SLC38A10: variants seen among roughly 807,000 people sequenced by gnomAD.
SLC38A10 encodes the protein Sodium-coupled neutral amino acid transporter 10.
A neutral mutation model predicts 81.0 loss-of-function variants in SLC38A10; 53 were observed. The ratio of observed to expected loss-of-function variants is 0.65; its 90% CI spans 0.53 to 0.82. The LOEUF is 0.82. Among genes scored for constraint, SLC38A10 ranks in the 40% least tolerant of loss-of-function variants. The pLI, the probability that SLC38A10 is intolerant of heterozygous loss-of-function variation, is 0.00. For synonymous variants in SLC38A10, 665 were observed against 655.3 expected, an observed-to-expected ratio of 1.01 and a Z score of -0.23; for missense variants, 1,471 against 1,545.0, an observed-to-expected ratio of 0.95 and a Z score of 0.80.
chr17:81,271,691 T>C (rs1423346379), intron 9 of SLC38A10, among the ~76,000 whole-genome samples: 1 of 151,772 alleles, frequency 6.6e-6, no homozygotes, highest in African/African-American at 2.4e-5. Context: ...GTCCCGGCAC[T>C]GCAGTCTCTC....
chr17:81,279,409 AG>A (rs1370706129), intron 6 of SLC38A10, among the ~76,000 whole-genome samples: 1 of 152,132 alleles, frequency 6.6e-6, no homozygotes, highest in African/African-American at 2.4e-5. Context: ...ACGCTGTGGG[AG>A]GGAAGAGATG....
chr17:81,291,203 G>A (rs533846697), intron 1 of SLC38A10, among the ~76,000 whole-genome samples: 73 of 152,054 alleles, frequency 4.8e-4, no homozygotes, highest in Middle Eastern at 3.4e-3. Flanking sequence ...AAGTCCGGCT[G>A]GGCACACTGG....
chr17:81,294,560 C>G (rs570696080), intron 1 of SLC38A10, among the ~76,000 whole-genome samples: 1 of 152,356 alleles, frequency 6.6e-6, no homozygotes, highest in South Asian at 2.1e-4. Flanking sequence ...CTTTGTTACA[C>G]TTTGCTTCGG....
rs2063285943 is a variant in SLC38A10, at chr17:81,288,512, G to A, written c.217+1179C>T. On this transcript the variant is annotated intron_variant, in intron 2 of 15. Transcript: ENST00000374759. The surrounding 1 kb of genome is among the most constrained non-coding windows in gnomAD (Gnocchi z 5.4). ...AGAATGGAACGTGGAGCCGAGAGGT[G>A]CCGAGCCTGTGGCGGGCAGGGAGAC... is the stretch of plus-strand genomic sequence containing the variant. Among the ~76,000 whole-genome samples, 1 of 152,202 alleles carries A rather than the reference G, an allele frequency of 6.6e-6. No individual in the cohort carries two copies.
In SLC38A10 at chr17:81,295,141, G is replaced by T; in HGVS notation, c.-220C>A. On this transcript the variant is annotated 5_prime_UTR_variant, in exon 1 of 16. Transcript: ENST00000374759. ...CTCGAAGGCCGGCTGCGGGGGCGAG[G>T]TCAACCTCCGGACCCCGCCAAGCCC... The T allele has an allele frequency of 1.4e-6, 1 of 712,388 alleles. No individual in the cohort carries two copies. Among genetic ancestry groups the T allele is most frequent in the Non-Finnish European group, 1.9e-6 (1 of 531,572 alleles). The allele number at this position is 712,388 out of a possible 1,614,324, so 44.1% of individuals were successfully genotyped here.
At chr17:81,251,989 C>T (rs961870458) in intron 13 of SLC38A10, 6 of 748,388 alleles carry the variant, frequency 8.0e-6, no homozygotes, top group Non-Finnish European at 1.2e-5. Context: ...TGGCAAACAA[C>T]TGTGTGACAG....
intron 13 of SLC38A10, chr17:81,251,837 T>C: frequency 1.9e-6 from 1 of 535,374 alleles, no homozygotes; most frequent in Non-Finnish European, 3.1e-6. Flanking sequence ...GGTAACTGCC[T>C]TCGCAATTAA....
At position 81,272,627 on chromosome 17, in the gene SLC38A10, G is replaced by T. The variant is rs868582305; in HGVS notation, c.913C>A (p.Gln305Lys). ...ALSTLLCEQQQKDGTFAAGGY... is the reference protein window; with the variant it reads ...ALSTLLCEQQKKDGTFAAGGY... ...CCTGCTGCAAAGGTGCCATCTTTTT[G>T]CTGTACAAAAGAAAAACAAAAGGTT... is the stretch of plus-strand genomic sequence containing the variant. Residue 305 changes from glutamine (Q) to lysine (K), a missense_variant and splice_region_variant, in exon 9 of 16, where the codon CAA becomes AAA. Gln to Lys is a moderately conservative substitution (Grantham distance 53). Transcript: ENST00000374759. 7.1e-6 allele frequency: 11 copies of T among 1,541,008 alleles called. No individual in the cohort carries two copies. In the African/African-American group the frequency reaches 1.6e-4, roughly 22 times the overall value.
At position 81,294,973 on chromosome 17, in the gene SLC38A10, C is replaced by T. The variant is rs753935706; in HGVS notation, c.-52G>A. 7.9e-6 allele frequency: 12 copies of T among 1,520,006 alleles called. No individual in the cohort carries two copies. Among genetic ancestry groups the T allele is most frequent in the East Asian group, 2.6e-5 (1 of 37,918 alleles). 94.2% of individuals were successfully genotyped at this position (1,520,006 alleles called of 1,614,324 possible). A position where few individuals can be genotyped will look rare whatever the true frequency, so the allele number is the denominator to read the frequency against. On this transcript the variant is annotated 5_prime_UTR_variant, in exon 1 of 16. Transcript: ENST00000374759. ...AGAGGCCTCGGGGGTCGCCGGGCTG[C>T]GGCCGGCTTTGGAAGCCCAGCCCGA...
chr17:81,246,890 C>T lies in SLC38A10; in HGVS notation c.2237G>A (p.Arg746Lys). ...QRQEDEEDKP[R>K]QVEVHQEPGA... ...CATCCGCCAGCCCGGCCTACCCTGCCTGGGTTTATCCTCCTCGTCCTCCTG... is the reference window on the plus strand; with the variant it reads ...CATCCGCCAGCCCGGCCTACCCTGCTTGGGTTTATCCTCCTCGTCCTCCTG... The change falls in exon 15 of 16, where the codon AGG becomes AAG. Residue 746 changes from arginine (R) to lysine (K), a missense_variant. By Grantham distance (26) the Arg-to-Lys change is conservative (BLOSUM62 2). This residue lies in a region of SLC38A10 where 751 missense variants were observed against 717.4 expected (regional missense o/e 1.05). Coordinates refer to ENST00000374759, the MANE Select transcript of SLC38A10 (RefSeq NM_001037984.3). 1.9e-6 allele frequency: 3 copies of T among 1,592,582 alleles called. No individual in the cohort carries two copies. The highest frequency in any genetic ancestry group is 2.6e-6 in the Non-Finnish European group (3 of 1,167,486).
chr17:81,294,772 C>T (rs775166941), intron 1 of SLC38A10, 51 bp downstream of exon 1: 14 of 1,490,176 alleles, frequency 9.4e-6, no homozygotes, highest in South Asian at 1.2e-5. Context: ...AGCCAGACGC[C>T]CCCTCTGCGG....
chr17:81,273,485 A>G (rs1448153861), intron 8 of SLC38A10, among the ~76,000 whole-genome samples: 2 of 152,222 alleles, frequency 1.3e-5, no homozygotes, highest in African/African-American at 2.4e-5. Context: ...AAGTTAACAC[A>G]CAGGACGGAC....
chr17:81,273,719 T>C (rs1251455833), intron 8 of SLC38A10, among the ~76,000 whole-genome samples: 1 of 152,060 alleles, frequency 6.6e-6, no homozygotes, highest in Admixed American at 6.5e-5. Flanking sequence ...ACCTATGACA[T>C]AGACCCAGAG....
chr17:81,285,863 T>G (rs1219977166), intron 2 of SLC38A10: 1 of 152,304 alleles, frequency 6.6e-6, no homozygotes, highest in East Asian at 1.9e-4. Flanking sequence ...TCCTTATTAC[T>G]TTAAACTACT....
intron 1 of SLC38A10, among the ~76,000 whole-genome samples, chr17:81,291,724 C>T (rs1013722372): frequency 1.3e-5 from 2 of 152,178 alleles, no homozygotes; most frequent in Admixed American, 1.3e-4. Context: ...AACGCCTGTC[C>T]AACTCCTCAG....
At position 81,292,987 on chromosome 17, in the gene SLC38A10, C is replaced by CAAAT. The variant is rs377273514; in HGVS notation, c.99+1832_99+1835dup. On this transcript the variant is annotated intron_variant, in intron 1 of 15. Coordinates refer to ENST00000374759, the MANE Select transcript of SLC38A10 (RefSeq NM_001037984.3). The stretch of plus-strand genomic sequence containing the variant: ...GGGGAAACCCTGTCTCTACTAAATA[C>CAAAT]AAATAAATAAATAAATAAATAAATA... Among the ~76,000 whole-genome samples, 628 of 151,934 alleles carry CAAAT rather than the reference C, an allele frequency of 4.1e-3. 2 individuals are homozygous for CAAAT. Among genetic ancestry groups the CAAAT allele is most frequent in the Middle Eastern group, 0.041 (12 of 292 alleles).
chr17:81,282,260 G>A lies in SLC38A10; in HGVS notation c.430C>T (p.Arg144Trp), dbSNP rs750418123. ...LCIVLPLSLQ[R>W]NMMASIQSFS... ...GACTGGATGGAGGCCATCATGTTCC[G>A]CTGCAGGCTGAGCGGGAGCACGATG... Residue 144 changes from arginine to tryptophan, a missense_variant, in exon 5 of 16, where the codon CGG becomes TGG. Arg to Trp is a moderately radical substitution (Grantham distance 101). This residue lies in a region of SLC38A10 where 720 missense variants were observed against 827.7 expected (regional missense o/e 0.87). Coordinates refer to ENST00000374759, the MANE Select transcript of SLC38A10 (RefSeq NM_001037984.3). The A allele has an allele frequency of 5.0e-6, 8 of 1,613,508 alleles. No individual in the cohort carries two copies. Among genetic ancestry groups the A allele is most frequent in the South Asian group, 3.3e-5 (3 of 91,092 alleles).
intron 11 of SLC38A10, among the ~76,000 whole-genome samples, chr17:81,255,575 G>A (rs1480742603): frequency 6.6e-6 from 1 of 152,204 alleles, no homozygotes; most frequent in East Asian, 1.9e-4. Flanking sequence ...TAGAAGGCCA[G>A]CAACACACCC....
intron 14 of SLC38A10, chr17:81,251,173 CG>C (rs2062907068): frequency 2.0e-6 from 3 of 1,526,388 alleles, no homozygotes; most frequent in Middle Eastern, 1.8e-4. Context: ...GCTTTAAAGA[CG>C]AAATGGTAAT....
Sources: gnomAD v4.1 joint callset for allele counts (sites outside exome capture counted in the v4.1 genomes callset) on GRCh38, gnomAD v4.1.1 for gene constraint, gnomAD v4.1.1 regional missense constraint, Gnocchi (gnomAD v3.1) non-coding constraint, MANE v1.5 for transcripts, NCBI Gene and HGNC (gene_info 2026-07-23, HGNC 2026-07-21) for gene names.